Variants in RALGAPA2 observed in about 807,000 individuals in gnomAD.
The protein encoded by RALGAPA2 is Ral GTPase activating protein catalytic subunit alpha 2.
Under a neutral mutation model 230.4 loss-of-function variants are expected in RALGAPA2, and 139 were observed. That is an observed-to-expected ratio of 0.60 (90% CI 0.53 to 0.69). The LOEUF (loss-of-function observed/expected upper bound fraction) is 0.69. Ranked by LOEUF, RALGAPA2 falls within the 30% of genes least tolerant of loss-of-function variation. The probability of loss-of-function intolerance (pLI) is 0.00; values close to 1 mark genes in which losing one functional copy is unlikely to be tolerated. For synonymous variants in RALGAPA2, 847 were observed against 837.8 expected (o/e 1.01, Z -0.19); for missense variants, 2,163 against 2,276.0 (o/e 0.95, Z 1.01).
At chr20:20,646,209 C>G (rs2067210394) in intron 4 of RALGAPA2, among the ~76,000 whole-genome samples, 2 of 152,254 alleles carry the variant, frequency 1.3e-5, no homozygotes, top group South Asian at 4.1e-4. Flanking sequence ...CATGCGCCAC[C>G]ATGCCTGGCT....
At position 20,597,155 on chromosome 20, in the gene RALGAPA2, T is replaced by C. The variant is rs140713847; in HGVS notation, c.2203+4527A>G. Among the ~76,000 whole-genome samples, 1,105 of 152,110 alleles carry C rather than the reference T, an allele frequency of 7.3e-3. 10 individuals carry two copies. The highest frequency in any genetic ancestry group is 0.025 in the African/African-American group (1,055 of 41,496). On this transcript the variant is annotated intron_variant, in intron 16 of 39. Coordinates refer to ENST00000202677, the MANE Select transcript of RALGAPA2 (RefSeq NM_020343.4). ...TGAAAAACTTAAGAGAAACAAAATATAGAAAAAAATGGACTGTGACATAAG... is the reference window on the plus strand; with the variant it reads ...TGAAAAACTTAAGAGAAACAAAATACAGAAAAAAATGGACTGTGACATAAG...
chr20:20,595,316 A>G (rs575654078), intron 16 of RALGAPA2, among the ~76,000 whole-genome samples: 17 of 152,324 alleles, frequency 1.1e-4, no homozygotes, highest in Admixed American at 9.8e-4. Context: ...AATAAATAGT[A>G]TAATTTCCTA....
intron 37 of RALGAPA2, among the ~76,000 whole-genome samples, chr20:20,429,486 T>C (rs2060457895): frequency 6.6e-6 from 1 of 152,204 alleles, no homozygotes; most frequent in Non-Finnish European, 1.5e-5. Flanking sequence ...TCTGTACAAT[T>C]GTCATAAGAA....
At position 20,583,208 on chromosome 20, in the gene RALGAPA2, T is replaced by C; in HGVS notation, c.2549A>G (p.Asp850Gly). 6.2e-7 allele frequency: 1 copy of C among 1,608,592 alleles called. No individual in the cohort carries two copies. Among genetic ancestry groups the C allele is most frequent in the Non-Finnish European group, 8.5e-7 (1 of 1,178,018 alleles). The stretch of plus-strand genomic sequence containing the variant: ...CTCATTGGTACAGCCCAGAGTTGTG[T>C]CACTGTTGGTACTTTCACCTGGTAC... ...ERQKSESTNSDTTLGCTNEAE... is the reference protein window; with the variant it reads ...ERQKSESTNSGTTLGCTNEAE... The change falls in exon 20 of 40, where the codon GAC (aspartate) becomes GGC (glycine). Residue 850 changes from aspartate to glycine, a missense_variant. Coordinates refer to ENST00000202677, the MANE Select transcript of RALGAPA2 (RefSeq NM_020343.4).
intron 9 of RALGAPA2, among the ~76,000 whole-genome samples, chr20:20,633,023 C>CTCTT (rs200404728): frequency 1.3e-5 from 2 of 150,270 alleles, no homozygotes; most frequent in Non-Finnish European, 3.0e-5. Flanking sequence ...CTCTCTCTCT[C>CTCTT]TCTTTCTTTC....
intron 38 of RALGAPA2, among the ~76,000 whole-genome samples, chr20:20,405,335 A>G (rs55901344): frequency 0.023 from 3,431 of 152,272 alleles, 115 homozygotes; most frequent in African/African-American, 0.078. Flanking sequence ...CTTTTCTCCA[A>G]TAAGACTTCA....
chr20:20,590,082 C>CCG (rs1256028594), intron 17 of RALGAPA2, among the ~76,000 whole-genome samples: 1 of 151,470 alleles, frequency 6.6e-6, no homozygotes, highest in Non-Finnish European at 1.5e-5. Context: ...CTAAATTAAG[C>CCG]TAATTAACAT....
chr20:20,404,383 C>G (rs887794798), intron 38 of RALGAPA2, among the ~76,000 whole-genome samples: 16 of 152,264 alleles, frequency 1.1e-4, no homozygotes, highest in African/African-American at 3.6e-4. Context: ...ATTCTTTCTT[C>G]TTTCTGTCAG....
chr20:20,600,741 G>A (rs886534367), intron 16 of RALGAPA2, among the ~76,000 whole-genome samples: 1 of 152,180 alleles, frequency 6.6e-6, no homozygotes, highest in Non-Finnish European at 1.5e-5. Flanking sequence ...GGGAGGAGGT[G>A]GCTTTATTTA....
At chr20:20,631,865 C>G (rs1181072464) in intron 9 of RALGAPA2, among the ~76,000 whole-genome samples, 1 of 152,052 alleles carries the variant, frequency 6.6e-6, no homozygotes, top group Non-Finnish European at 1.5e-5. Context: ...GGCTGTCAGC[C>G]CAGCACTCTT....
rs1003925925 is a variant in RALGAPA2, at chr20:20,705,947, G to A, written c.106+6428C>T. Among the ~76,000 whole-genome samples, 6 of 152,152 alleles carry A rather than the reference G, an allele frequency of 3.9e-5. No homozygotes were observed. The East Asian group carries it at 5.8e-4, about 15-fold the overall frequency. ...CTCCCAAAGTGTTGGGATTATAGGC[G>A]TGAGCCACCGCACCCCGCCAAGGTT... On this transcript the variant is annotated intron_variant, in intron 1 of 39. Transcript: ENST00000202677.
intron 37 of RALGAPA2, among the ~76,000 whole-genome samples, chr20:20,461,355 G>A (rs773174674): frequency 5.9e-5 from 9 of 152,012 alleles, no homozygotes; most frequent in Non-Finnish European, 1.3e-4. Context: ...TATTAAAATT[G>A]GTTTCTTTGG....
At position 20,513,131 on chromosome 20, in the gene RALGAPA2, C is replaced by T. The variant is rs551902023; in HGVS notation, c.4238G>A (p.Gly1413Asp). The T allele has an allele frequency of 3.8e-6, 6 of 1,567,984 alleles. No individual in the cohort carries two copies. In the African/African-American group the frequency reaches 8.2e-5, roughly 21 times the overall value. The change falls in exon 32 of 40, where the codon GGC (glycine) becomes GAC (aspartate). Residue 1413 changes from glycine (G) to aspartate (D), a missense_variant. By Grantham distance (94) the Gly-to-Asp change is moderately conservative. Transcript: ENST00000202677. ...GAACACCTCAAAGGACAGCTCGGAG[C>T]CTTCCACATGGGCATTGTCATGGTT... ...SENHDNAHVEGSELSFEVFRS... is the reference protein window; with the variant it reads ...SENHDNAHVEDSELSFEVFRS...
At chr20:20,546,477 G>A (rs1300700315) in intron 24 of RALGAPA2, among the ~76,000 whole-genome samples, 2 of 152,202 alleles carry the variant, frequency 1.3e-5, no homozygotes, top group Non-Finnish European at 2.9e-5. Context: ...AAATATTAGT[G>A]AGGATATGAT....
intron 1 of RALGAPA2, among the ~76,000 whole-genome samples, chr20:20,688,351 T>C (rs1228332070): frequency 6.6e-6 from 1 of 150,972 alleles, no homozygotes; most frequent in African/African-American, 2.4e-5. Flanking sequence ...TATTTGCAAA[T>C]ACAAAGTATT....
chr20:20,666,035 C>T (rs764711734), intron 3 of RALGAPA2, among the ~76,000 whole-genome samples: 3 of 152,188 alleles, frequency 2.0e-5, no homozygotes, highest in Non-Finnish European at 4.4e-5. Flanking sequence ...GGTTCAACAT[C>T]AATAAAAGCC....
intron 37 of RALGAPA2, among the ~76,000 whole-genome samples, chr20:20,434,478 G>A (rs2060566270): frequency 6.6e-6 from 1 of 152,156 alleles, no homozygotes. Flanking sequence ...GGATGCAGGT[G>A]AGCCTCTGAT....
intron 37 of RALGAPA2, among the ~76,000 whole-genome samples, chr20:20,420,001 T>C (rs2060244335): frequency 6.6e-6 from 1 of 152,034 alleles, no homozygotes; most frequent in Admixed American, 6.6e-5. Flanking sequence ...AGGCAAACTG[T>C]CATTATGTCA....
chr20:20,522,640 A>G, intron 30 of RALGAPA2, among the ~76,000 whole-genome samples: 1 of 152,210 alleles, frequency 6.6e-6, no homozygotes, highest in East Asian at 1.9e-4. Context: ...TGATTTTACA[A>G]GCATGCTCAC....
Sources: gnomAD v4.1 joint callset for allele counts (sites outside exome capture counted in the v4.1 genomes callset) on GRCh38, gnomAD v4.1.1 for gene constraint, MANE v1.5 for transcripts, NCBI Gene and HGNC (gene_info 2026-07-23, HGNC 2026-07-21) for gene names.